Variants in RASA2 observed in about 807,000 individuals in gnomAD.
RASA2 encodes the protein ras GTPase-activating protein 2.
In RASA2, 155 loss-of-function variants were observed where a neutral mutation model predicts 118.2. That is an observed-to-expected ratio of 1.31 (90% CI 1.15 to 1.50). The LOEUF (loss-of-function observed/expected upper bound fraction) is 1.50. Among genes scored for constraint, RASA2 ranks in the 40% most tolerant of loss-of-function variants. The pLI is 0.00. For synonymous variants in RASA2, 353 were observed against 349.1 expected (o/e 1.01, Z -0.12); for missense variants, 1,016 against 1,009.6 (o/e 1.01, Z -0.09).
chr3:141,550,111 A>G (rs1288038808), intron 5 of RASA2, among the ~76,000 whole-genome samples: 3 of 152,226 alleles, frequency 2.0e-5, no homozygotes, highest in Non-Finnish European at 2.9e-5. Flanking sequence ...ATTGGCAAAC[A>G]TCACAATAAT....
intron 5 of RASA2, among the ~76,000 whole-genome samples, chr3:141,548,364 A>G (rs1292079613): frequency 1.3e-5 from 2 of 151,978 alleles, no homozygotes; most frequent in Non-Finnish European, 2.9e-5. Context: ...ATTACTTGTT[A>G]TTGGTCTCTT....
chr3:141,576,386 C>T (rs1330969878), intron 14 of RASA2, among the ~76,000 whole-genome samples: 1 of 152,214 alleles, frequency 6.6e-6, no homozygotes, highest in Non-Finnish European at 1.5e-5. Flanking sequence ...TTCTTTCCCT[C>T]ACCATCTGCT....
At chr3:141,553,974 GTT>G (rs1438650276) in intron 6 of RASA2, 34 bp downstream of exon 6, 1 of 1,569,786 alleles carries the variant, frequency 6.4e-7, no homozygotes, top group Admixed American at 2.0e-5. Context: ...AGGTTTTAAA[GTT>G]TTGATGTTTG....
At chr3:141,559,256 T>A (rs764169292) in intron 8 of RASA2, among the ~76,000 whole-genome samples, 5 of 152,144 alleles carry the variant, frequency 3.3e-5, no homozygotes, top group Non-Finnish European at 7.4e-5. Context: ...TGGATTATAG[T>A]GTAATGGATG....
intron 1 of RASA2, among the ~76,000 whole-genome samples, chr3:141,490,525 G>T (rs1204290165): frequency 6.6e-6 from 1 of 152,086 alleles, no homozygotes; most frequent in African/African-American, 2.4e-5. Flanking sequence ...CACCATATGT[G>T]TGGGCTTATC....
At chr3:141,586,884 C>G (rs185941246) in intron 19 of RASA2, 132 bp downstream of exon 19, 14 of 752,634 alleles carry the variant, frequency 1.9e-5, no homozygotes, top group Admixed American at 6.1e-5. Flanking sequence ...CTGATACATA[C>G]GTACTAAGAA....
At chr3:141,576,858 C>G (rs2083019736) in intron 14 of RASA2, 142 bp from the exon 15 acceptor site, 1 of 410,934 alleles carries the variant, frequency 2.4e-6, no homozygotes. Context: ...TCATAAATAT[C>G]ACTATCATTT....
intron 3 of RASA2, among the ~76,000 whole-genome samples, chr3:141,528,779 T>C (rs113801965): frequency 1.2e-4 from 18 of 152,054 alleles, no homozygotes; most frequent in African/African-American, 4.1e-4. Flanking sequence ...CTTAAAGTTT[T>C]CAAATGTTGA....
intron 16 of RASA2, 78 bp downstream of exon 16, chr3:141,580,529 C>A: frequency 2.7e-6 from 3 of 1,110,894 alleles, no homozygotes; most frequent in South Asian, 1.5e-5. Flanking sequence ...CCTTGACTTA[C>A]CTTCTTCCAA....
intron 3 of RASA2, among the ~76,000 whole-genome samples, chr3:141,528,373 A>G (rs1577686671): frequency 6.6e-6 from 1 of 151,978 alleles, no homozygotes; most frequent in Non-Finnish European, 1.5e-5. Flanking sequence ...TAAGGTATAC[A>G]TTATATTTGC....
chr3:141,534,483 G>A (rs562466329), intron 4 of RASA2, among the ~76,000 whole-genome samples: 1 of 152,250 alleles, frequency 6.6e-6, no homozygotes, highest in South Asian at 2.1e-4. Flanking sequence ...ATCCAGATGT[G>A]CTATCAACCA....
chr3:141,610,125 C>A, intron 23 of RASA2, 59 bp downstream of exon 23: 1 of 1,369,772 alleles, frequency 7.3e-7, no homozygotes, highest in Non-Finnish European at 9.9e-7. Flanking sequence ...GATTGCCTCT[C>A]CTGCCCCAAC....
chr3:141,560,610 A>G (rs571890881), intron 9 of RASA2, among the ~76,000 whole-genome samples: 95 of 152,322 alleles, frequency 6.2e-4, no homozygotes, highest in Admixed American at 7.8e-4. Flanking sequence ...GTTAAATTCA[A>G]ATTAATGTTC....
chr3:141,498,846 T>A (rs1159252165), intron 1 of RASA2, among the ~76,000 whole-genome samples: 1 of 152,218 alleles, frequency 6.6e-6, no homozygotes, highest in Non-Finnish European at 1.5e-5. Context: ...AAGCTTCTTG[T>A]AGCTATAGGT....
rs117922776 is a variant in RASA2 at position 141,591,902 on chromosome 3, T to C, written c.1933+5150T>C. On this transcript the variant is annotated intron_variant, in intron 19 of 23. Transcript: ENST00000286364. ...TGCAGCTTTTTTTTTTTCTGATAGCTAAAGAACAAAATACATCATTGATTC... is the reference window on the plus strand; with the variant it reads ...TGCAGCTTTTTTTTTTTCTGATAGCCAAAGAACAAAATACATCATTGATTC... 1.4e-3 allele frequency among the ~76,000 whole-genome samples: 219 copies of C among 151,960 alleles called. 7 individuals are homozygous for C. The East Asian group carries it at 0.024, about 17-fold the overall frequency.
intron 1 of RASA2, among the ~76,000 whole-genome samples, chr3:141,500,923 G>T (rs2081769359): frequency 6.6e-6 from 1 of 151,838 alleles, no homozygotes; most frequent in South Asian, 2.1e-4. Flanking sequence ...AGATTAACTG[G>T]CTAAGGAGTT....
At chr3:141,524,524 G>A (rs565256059) in intron 3 of RASA2, among the ~76,000 whole-genome samples, 5 of 152,184 alleles carry the variant, frequency 3.3e-5, no homozygotes, top group African/African-American at 9.6e-5. Context: ...TGTTTGCCAG[G>A]ATTTGTTCAG....
Position 141,571,508 on chromosome 3 carries a change from G to T in RASA2, c.1123G>T (p.Val375Phe), listed in dbSNP as rs747036809. The T allele has an allele frequency of 1.9e-6, 3 of 1,612,666 alleles. No homozygotes were observed. In the Admixed American group the frequency reaches 5.0e-5, roughly 27 times the overall value. The change falls in exon 11 of 24, where the codon GTT becomes TTT. Residue 375 changes from valine (V) to phenylalanine (F), a missense_variant. This residue lies in a region of RASA2 where 896 missense variants were observed against 836.4 expected (regional missense o/e 1.07). Coordinates refer to ENST00000286364, the MANE Select transcript of RASA2 (RefSeq NM_006506.5). ...VRLLLHHDKL[V>F]PFATAVAELD... is the part of the protein sequence containing the mutation. The stretch of plus-strand genomic sequence containing the variant: ...ACTGCTGCTGCACCATGATAAACTT[G>T]TTCCTTTTGCCACTGCTGTGGCTGA...
At chr3:141,548,647 T>A (rs559237572) in intron 5 of RASA2, among the ~76,000 whole-genome samples, 1 of 152,338 alleles carries the variant, frequency 6.6e-6, no homozygotes, top group African/African-American at 2.4e-5. Flanking sequence ...TTCTTTGTGC[T>A]TCTTGCTGGA....
Sources: allele counts gnomAD v4.1 joint callset (sites outside exome capture counted in the v4.1 genomes callset), GRCh38; gene constraint gnomAD v4.1.1; regional missense constraint gnomAD v4.1.1; transcripts MANE v1.5; gene names NCBI Gene and HGNC (gene_info 2026-07-23, HGNC 2026-07-21).